TBC1D14: variants seen among roughly 807,000 people sequenced by gnomAD.
TBC1D14 encodes TBC1 domain family, member 14.
Under a neutral mutation model 79.0 loss-of-function variants are expected in TBC1D14, and 26 were observed. The observed-to-expected ratio is 0.33, with a 90% CI of 0.24 to 0.46. The LOEUF (loss-of-function observed/expected upper bound fraction) is 0.46, where lower values mean the gene tolerates loss of function less well. Ranked by LOEUF, TBC1D14 falls within the 20% of genes least tolerant of loss-of-function variation. The pLI, the probability that TBC1D14 is intolerant of heterozygous loss-of-function variation, is 1.00. For missense variants in TBC1D14, 769 were observed against 887.6 expected (o/e 0.87, Z 1.70); for synonymous variants, 394 against 349.9 (o/e 1.13, Z -1.40).
chr4:6,998,914 T>C (rs1477824522), intron 5 of TBC1D14, 171 bp from the exon 6 acceptor site: 2 of 605,568 alleles, frequency 3.3e-6, no homozygotes, highest in Non-Finnish European at 5.9e-6. Flanking sequence ...GGGTGGATAA[T>C]GCCTGAGCCT....
At chr4:6,965,603 G>C (rs1206428392) in intron 2 of TBC1D14, among the ~76,000 whole-genome samples, 1 of 152,296 alleles carries the variant, frequency 6.6e-6, no homozygotes, top group East Asian at 1.9e-4. Context: ...GACTGGTGGT[G>C]TAATCATAGC....
intron 4 of TBC1D14, chr4:6,995,225 G>C (rs1718891704): frequency 6.6e-6 from 1 of 152,114 alleles, no homozygotes; most frequent in Non-Finnish European, 1.5e-5. Flanking sequence ...TTAGAACTAA[G>C]GTGCACATCT....
In TBC1D14 at chr4:6,923,900, T is replaced by C. The variant is rs1446531314; in HGVS notation, c.511T>C (p.Ser171Pro). ...TGGGACAGAGCTGTCCACCACGCTG[T>C]CCGTCAGCAATGAGGACATCTTGGA... ...SLGTELSTTL[S>P]VSNEDILDLV... Residue 171 changes from serine to proline, a missense_variant, in exon 2 of 14, where the codon TCC (serine) becomes CCC (proline). Physicochemically the swap from Ser to Pro is moderately conservative, Grantham distance 74 (BLOSUM62 -1). This residue lies in a region of TBC1D14 where 402 missense variants were observed against 393.2 expected (regional missense o/e 1.02). Transcript: ENST00000409757. The C allele has an allele frequency of 6.2e-7, 1 of 1,614,022 alleles. No homozygotes were observed.
At chr4:6,947,115 C>T (rs10804991) in intron 2 of TBC1D14, among the ~76,000 whole-genome samples, 113,387 of 152,004 alleles carry the variant, frequency 0.75, 43,266 homozygotes, top group East Asian at 0.97. Context: ...AATCCCAGCA[C>T]TTTGGGAGGC....
chr4:6,987,554 T>C (rs1039646730), intron 3 of TBC1D14: 2 of 419,964 alleles, frequency 4.8e-6, no homozygotes, highest in Non-Finnish European at 8.2e-6. Context: ...GCTGATGCGC[T>C]CTCCTCCCTG....
intron 3 of TBC1D14, 55 bp from the exon 4 acceptor site, chr4:6,994,129 A>G: frequency 7.0e-7 from 1 of 1,425,920 alleles, no homozygotes; most frequent in Non-Finnish European, 9.9e-7. Flanking sequence ...TACTTTCCGA[A>G]GGACTTCATC....
At chr4:6,957,419 G>A (rs1214516906) in intron 2 of TBC1D14, among the ~76,000 whole-genome samples, 1 of 152,224 alleles carries the variant, frequency 6.6e-6, no homozygotes, top group East Asian at 1.9e-4. Flanking sequence ...AGAAATACTT[G>A]GACAGATGGA....
chr4:6,982,278 A>G (rs575889671), intron 3 of TBC1D14, among the ~76,000 whole-genome samples: 85 of 152,314 alleles, frequency 5.6e-4, no homozygotes, highest in African/African-American at 2.0e-3. Context: ...ACGAAATATG[A>G]CTCAGTAATA....
intron 8 of TBC1D14, among the ~76,000 whole-genome samples, chr4:7,005,867 T>G (rs1414935208): frequency 6.6e-6 from 1 of 152,208 alleles, no homozygotes; most frequent in Admixed American, 6.5e-5. Context: ...AGCTCAGATT[T>G]ACAGAGACAA....
chr4:6,987,089 T>C (rs1175290677), intron 3 of TBC1D14: 4 of 907,532 alleles, frequency 4.4e-6, no homozygotes, highest in South Asian at 5.2e-5. Flanking sequence ...CCCCGCCCCT[T>C]GTGCCCGCCC....
chr4:6,963,331 G>A (rs574053291), intron 2 of TBC1D14, among the ~76,000 whole-genome samples: 1 of 152,342 alleles, frequency 6.6e-6, no homozygotes, highest in East Asian at 1.9e-4. Flanking sequence ...CTGACTCACC[G>A]GGCCACACAG....
At chr4:6,947,421 C>T (rs938883391) in intron 2 of TBC1D14, among the ~76,000 whole-genome samples, 1 of 151,900 alleles carries the variant, frequency 6.6e-6, no homozygotes, top group Non-Finnish European at 1.5e-5. Flanking sequence ...TGGCGTGAAC[C>T]CGGGAGGTGG....
At chr4:6,986,932 AC>A in intron 3 of TBC1D14, among the ~76,000 whole-genome samples, 1 of 152,344 alleles carries the variant, frequency 6.6e-6, no homozygotes, top group Non-Finnish European at 1.5e-5. Flanking sequence ...CCCAGAGCTC[AC>A]TAGTGCGACT....
intron 10 of TBC1D14, 114 bp downstream of exon 10, chr4:7,010,062 G>A (rs997617733): frequency 8.4e-7 from 1 of 1,187,402 alleles, no homozygotes; most frequent in Non-Finnish European, 1.2e-6. Flanking sequence ...TTGCCGAGGA[G>A]TATGAAAAGT....
chr4:6,938,315 C>G (rs1466302317), intron 2 of TBC1D14, among the ~76,000 whole-genome samples: 1 of 152,138 alleles, frequency 6.6e-6, no homozygotes, highest in Non-Finnish European at 1.5e-5. Flanking sequence ...CTCGGCCACC[C>G]TGCCCTTGGG....
At chr4:6,980,459 T>G (rs758941230) in intron 3 of TBC1D14, among the ~76,000 whole-genome samples, 22 of 152,142 alleles carry the variant, frequency 1.4e-4, no homozygotes, top group Non-Finnish European at 2.6e-4. Flanking sequence ...AATCAAAGTT[T>G]CTACCTGAAG....
chr4:7,005,017 A>G, intron 8 of TBC1D14, 93 bp downstream of exon 8: 2 of 1,182,448 alleles, frequency 1.7e-6, no homozygotes, highest in South Asian at 2.5e-5. Context: ...TAACTACAGT[A>G]GAGATTGTTG....
At chr4:6,977,918 C>A (rs1329993510) in intron 3 of TBC1D14, among the ~76,000 whole-genome samples, 1 of 151,588 alleles carries the variant, frequency 6.6e-6, no homozygotes, top group African/African-American at 2.4e-5. Context: ...TGAGGAGCGT[C>A]TCTGCCCGGC....
chr4:6,996,722 C>T (rs1332840166), intron 5 of TBC1D14, among the ~76,000 whole-genome samples: 6 of 152,164 alleles, frequency 3.9e-5, no homozygotes, highest in Non-Finnish European at 8.8e-5. Flanking sequence ...CCAGGGCTGT[C>T]CCGGGCGGGC....
Sources: gnomAD v4.1 joint callset for allele counts (sites outside exome capture counted in the v4.1 genomes callset) on GRCh38, gnomAD v4.1.1 for gene constraint, gnomAD v4.1.1 regional missense constraint, MANE v1.5 for transcripts, NCBI Gene and HGNC (gene_info 2026-07-23, HGNC 2026-07-21) for gene names.